The following ADAMTS3 variants were observed in gnomAD, a reference collection of about 807,000 sequenced individuals.
ADAMTS3 encodes A disintegrin and metalloproteinase with thrombospondin motifs 3.
In ADAMTS3, 73 loss-of-function variants were observed where a neutral mutation model predicts 129.0. The ratio of observed to expected loss-of-function variants is 0.57; its 90% CI spans 0.47 to 0.69. ADAMTS3 has a LOEUF of 0.69. Ranked by LOEUF, ADAMTS3 falls within the 30% of genes least tolerant of loss-of-function variation. ADAMTS3 has a pLI of 0.00. For missense variants in ADAMTS3, 1,457 were observed against 1,514.5 expected, an observed-to-expected ratio of 0.96 and a Z score of 0.63; for synonymous variants, 477 against 510.8, an observed-to-expected ratio of 0.93 and a Z score of 0.89.
intron 4 of ADAMTS3, among the ~76,000 whole-genome samples, chr4:72,406,336 T>G (rs1298005305): frequency 6.6e-6 from 1 of 152,166 alleles, no homozygotes; most frequent in Non-Finnish European, 1.5e-5. Context: ...TAATTTCATA[T>G]AGAAATTTTA....
At chr4:72,525,536 T>G (rs1720784443) in intron 3 of ADAMTS3, among the ~76,000 whole-genome samples, 1 of 152,208 alleles carries the variant, frequency 6.6e-6, no homozygotes, top group Admixed American at 6.5e-5. Flanking sequence ...TGTGCTCACC[T>G]TCTTTTCGCC....
intron 5 of ADAMTS3, among the ~76,000 whole-genome samples, chr4:72,324,480 A>G (rs765890607): frequency 1.1e-4 from 16 of 152,342 alleles, no homozygotes; most frequent in Admixed American, 2.6e-4. Flanking sequence ...GCTAGAATAT[A>G]CTAGAGATAA....
At chr4:72,524,490 TAA>T (rs1174828703) in intron 3 of ADAMTS3, among the ~76,000 whole-genome samples, 1 of 152,152 alleles carries the variant, frequency 6.6e-6, no homozygotes, top group Non-Finnish European at 1.5e-5. Context: ...GGCACTATAC[TAA>T]GTGTTTAATC....
intron 4 of ADAMTS3, among the ~76,000 whole-genome samples, chr4:72,387,089 G>A (rs1172749601): frequency 6.6e-6 from 1 of 152,148 alleles, no homozygotes; most frequent in Non-Finnish European, 1.5e-5. Context: ...TTCTCAAGGT[G>A]AGTAGACATT....
At chr4:72,302,818 C>T (rs1160638771) in intron 17 of ADAMTS3, among the ~76,000 whole-genome samples, 1 of 152,072 alleles carries the variant, frequency 6.6e-6, no homozygotes, top group African/African-American at 2.4e-5. Flanking sequence ...ATAAATGAGG[C>T]TTCTCTTCAT....
chr4:72,393,976 T>C (rs1721664668), intron 4 of ADAMTS3, among the ~76,000 whole-genome samples: 1 of 152,224 alleles, frequency 6.6e-6, no homozygotes, highest in South Asian at 2.1e-4. Context: ...ACAGTCTATA[T>C]CTGGATGTAA....
chr4:72,311,015 T>C, intron 14 of ADAMTS3, 33 bp downstream of exon 14: 1 of 1,551,308 alleles, frequency 6.4e-7, no homozygotes, highest in Non-Finnish European at 8.7e-7. Context: ...GTAGATAACG[T>C]AGAAAGCCTT....
chr4:72,553,629 G>A (rs1338264721), intron 2 of ADAMTS3, among the ~76,000 whole-genome samples: 1 of 152,100 alleles, frequency 6.6e-6, no homozygotes, highest in African/African-American at 2.4e-5. Context: ...CTTCCCTGGT[G>A]GAGAAGAGTG....
chr4:72,291,426 G>A (rs969440768), intron 19 of ADAMTS3, among the ~76,000 whole-genome samples: 4 of 114,674 alleles, frequency 3.5e-5, no homozygotes, highest in Non-Finnish European at 6.6e-5. Flanking sequence ...ACAGTCCCCA[G>A]AGTGTGATGT....
chr4:72,311,350 C>G lies in ADAMTS3; in HGVS notation c.1922-169G>C, dbSNP rs546311253. 7.0e-5 allele frequency among the ~76,000 whole-genome samples: 10 copies of G among 143,524 alleles called. No individual in the cohort carries two copies. The East Asian group carries it at 1.5e-3, about 22-fold the overall frequency. The allele number at this position is 143,524 out of a possible 152,430, so 94.2% of individuals were successfully genotyped here. ...TAAGGAGGAAAGTATGTACATTTGA[C>G]ATTTTTTTTTTAGCTAAGGTGACCA... On this transcript the variant is annotated intron_variant, in intron 13 of 21. Transcript: ENST00000286657.
At chr4:72,399,861 CGTGTGTATATATACACACACG>C (rs1448488871) in intron 4 of ADAMTS3, among the ~76,000 whole-genome samples, 1 of 39,846 alleles carries the variant, frequency 2.5e-5, no homozygotes, top group Non-Finnish European at 5.0e-5. Flanking sequence ...TGTGTATATA[CGTGTGTATATATACACACACG>C]GTGTGTATAT....
At chr4:72,487,930 G>GA (rs1047690260) in intron 3 of ADAMTS3, among the ~76,000 whole-genome samples, 5 of 151,834 alleles carry the variant, frequency 3.3e-5, no homozygotes, top group South Asian at 2.1e-4. Flanking sequence ...CTTCCTAAGA[G>GA]AAAAAATAGC....
intron 5 of ADAMTS3, among the ~76,000 whole-genome samples, chr4:72,339,191 G>T (rs1560478407): frequency 6.6e-6 from 1 of 152,086 alleles, no homozygotes; most frequent in African/African-American, 2.4e-5. Context: ...ATTATCCCCA[G>T]AACAAAATAA....
intron 3 of ADAMTS3, among the ~76,000 whole-genome samples, chr4:72,468,094 GA>G (rs987912568): frequency 1.3e-5 from 2 of 151,176 alleles, no homozygotes; most frequent in East Asian, 1.9e-4. Context: ...TTTTCAGTCT[GA>G]AAAAAAAATT....
chr4:72,364,269 ATTTTTC>A (rs1392078181), intron 4 of ADAMTS3, among the ~76,000 whole-genome samples: 1 of 152,042 alleles, frequency 6.6e-6, no homozygotes, highest in African/African-American at 2.4e-5. Context: ...ACTAAAAAAT[ATTTTTC>A]TTTTTGTTTA....
chr4:72,470,822 A>T (rs1719054206), intron 3 of ADAMTS3, among the ~76,000 whole-genome samples: 1 of 152,114 alleles, frequency 6.6e-6, no homozygotes, highest in Admixed American at 6.6e-5. Context: ...ATAATTTTTA[A>T]AAGCCAGTTG....
intron 5 of ADAMTS3, among the ~76,000 whole-genome samples, chr4:72,327,395 A>G (rs1285788046): frequency 6.6e-6 from 1 of 152,220 alleles, no homozygotes; most frequent in Admixed American, 6.5e-5. Flanking sequence ...CAAAATCAAC[A>G]AAAAAGAACA....
At chr4:72,322,981 A>C (rs1286539295) in intron 6 of ADAMTS3, 33 bp downstream of exon 6, 1 of 1,530,964 alleles carries the variant, frequency 6.5e-7, no homozygotes, top group Admixed American at 1.7e-5. Flanking sequence ...CCCAGTCCCT[A>C]ATGTTTATAA....
intron 3 of ADAMTS3, among the ~76,000 whole-genome samples, chr4:72,508,116 C>CACAT (rs1720211109): frequency 6.6e-6 from 1 of 152,124 alleles, no homozygotes; most frequent in Non-Finnish European, 1.5e-5. Flanking sequence ...AATAAACAAA[C>CACAT]ACATGCACAT....
Sources: allele counts gnomAD v4.1 joint callset (sites outside exome capture counted in the v4.1 genomes callset), GRCh38; gene constraint gnomAD v4.1.1; transcripts MANE v1.5; gene names NCBI Gene and HGNC (gene_info 2026-07-23, HGNC 2026-07-21).